The following LRRTM4 variants were observed in gnomAD, a reference collection of about 807,000 sequenced individuals.
LRRTM4 encodes the protein leucine rich repeat transmembrane neuronal 4.
In LRRTM4, 25 loss-of-function variants were observed where a neutral mutation model predicts 47.6. That is an observed-to-expected ratio of 0.53 (90% CI 0.38 to 0.73). LRRTM4 has a LOEUF of 0.73. Ranked by LOEUF, LRRTM4 falls within the 30% of genes least tolerant of loss-of-function variation. The pLI, the probability that LRRTM4 is intolerant of heterozygous loss-of-function variation, is 0.00. For synonymous variants in LRRTM4, 311 were observed against 269.5 expected, an observed-to-expected ratio of 1.15 and a Z score of -1.51; for missense variants, 638 against 713.4, an observed-to-expected ratio of 0.89 and a Z score of 1.20.
chr2:77,071,127 A>T (rs1182824925), intron 3 of LRRTM4, among the ~76,000 whole-genome samples: 1 of 152,122 alleles, frequency 6.6e-6, no homozygotes, highest in Non-Finnish European at 1.5e-5. Context: ...TTCACAGAAA[A>T]CTTTGAAATA....
Position 76,977,216 on chromosome 2 carries a change from C to CT in LRRTM4, c.1552-228301dup, listed in dbSNP as rs370541848. ...AATCTTAATGACATCAGCAACCATCCTTTTTTACAAGACACCTGGATATTA... is the reference window on the plus strand; with the variant it reads ...AATCTTAATGACATCAGCAACCATCCTTTTTTTACAAGACACCTGGATATTA... On this transcript the variant is annotated intron_variant, in intron 3 of 3. Coordinates refer to ENST00000409884, the MANE Select transcript of LRRTM4 (RefSeq NM_001134745.3). 3.8e-3 allele frequency among the ~76,000 whole-genome samples: 574 copies of CT among 151,522 alleles called. 1 individual carries two copies. Among genetic ancestry groups the CT allele is most frequent in the Non-Finnish European group, 6.0e-3 (409 of 67,804 alleles).
chr2:77,064,825 T>C (rs1298736857), intron 3 of LRRTM4, among the ~76,000 whole-genome samples: 1 of 152,148 alleles, frequency 6.6e-6, no homozygotes, highest in Non-Finnish European at 1.5e-5. Context: ...CCGTGCTTTT[T>C]TCGTACCCTG....
At chr2:77,409,377 C>A (rs1323454575) in intron 3 of LRRTM4, among the ~76,000 whole-genome samples, 3 of 152,098 alleles carry the variant, frequency 2.0e-5, no homozygotes, top group African/African-American at 7.2e-5. Context: ...TTTATGTGTC[C>A]TCACATGGCA....
intron 3 of LRRTM4, among the ~76,000 whole-genome samples, chr2:77,041,011 A>G (rs1167601266): frequency 6.6e-6 from 1 of 151,326 alleles, no homozygotes; most frequent in African/African-American, 2.4e-5. Flanking sequence ...TGCACAGAAC[A>G]ACAGAACTTC....
chr2:77,288,385 A>G (rs1676722084), intron 3 of LRRTM4, among the ~76,000 whole-genome samples: 1 of 151,934 alleles, frequency 6.6e-6, no homozygotes, highest in Non-Finnish European at 1.5e-5. Flanking sequence ...TAGATTAATG[A>G]AATGGAGTGT....
At chr2:77,410,332 T>C (rs1306645669) in intron 3 of LRRTM4, among the ~76,000 whole-genome samples, 1 of 152,154 alleles carries the variant, frequency 6.6e-6, no homozygotes, top group Non-Finnish European at 1.5e-5. Flanking sequence ...TTGTGATTTT[T>C]AAGGTCTATT....
rs1344424063 is a variant in LRRTM4 at position 77,171,933 on chromosome 2, G to A, written c.1551+346385C>T. On this transcript the variant is annotated intron_variant, in intron 3 of 3. Coordinates refer to ENST00000409884, the MANE Select transcript of LRRTM4 (RefSeq NM_001134745.3). ...AACTTTGTAAGGGTTGTACAATTCA[G>A]AGGAGTCACAGTTATACATGAATGA... 2.0e-5 allele frequency among the ~76,000 whole-genome samples: 3 copies of A among 152,104 alleles called. No homozygotes were observed. In the East Asian group the frequency reaches 5.8e-4, roughly 29 times the overall value.
chr2:76,908,619 T>C lies in LRRTM4; in HGVS notation c.1552-159703A>G, dbSNP rs547403594. Among the ~76,000 whole-genome samples the C allele has an allele frequency of 2.0e-5, 3 of 152,304 alleles. No individual in the cohort carries two copies. The South Asian group carries it at 6.2e-4, about 32-fold the overall frequency. On this transcript the variant is annotated intron_variant, in intron 3 of 3. Transcript: ENST00000409884. The stretch of plus-strand genomic sequence containing the variant: ...CCATTGTCTCAGCCCAAAATCTCCT[T>C]AAGCTGATAAGCAACTTCAGCAAAG...
rs578087724 is a variant in LRRTM4, at chr2:77,063,253, C to T, written c.1552-314337G>A. ...GATTATAGGCGTGAGCCACTGCGCC[C>T]GGCCTCCCCTTGTTCTTTTTATGGT... On this transcript the variant is annotated intron_variant, in intron 3 of 3. Transcript: ENST00000409884. Among the ~76,000 whole-genome samples, 99 of 152,274 alleles carry T rather than the reference C, an allele frequency of 6.5e-4. 1 individual carries two copies. The highest frequency in any genetic ancestry group is 2.3e-3 in the African/African-American group (94 of 41,562).
chr2:77,467,874 T>A (rs868547934), intron 3 of LRRTM4, among the ~76,000 whole-genome samples: 1 of 150,176 alleles, frequency 6.7e-6, no homozygotes, highest in Non-Finnish European at 1.5e-5. Flanking sequence ...CTGAAAAAAA[T>A]ATTTTTTAAA....
intron 3 of LRRTM4, among the ~76,000 whole-genome samples, chr2:77,117,947 T>C (rs1295451978): frequency 6.6e-6 from 1 of 151,930 alleles, no homozygotes; most frequent in African/African-American, 2.4e-5. Context: ...ATCTGCAAAA[T>C]TCAAGCATCA....
At chr2:76,989,944 A>C (rs973823351) in intron 3 of LRRTM4, 2 of 151,770 alleles carry the variant, frequency 1.3e-5, no homozygotes, top group African/African-American at 4.8e-5. Flanking sequence ...ACTGCTGGCT[A>C]TTTACTTATA....
intron 3 of LRRTM4, among the ~76,000 whole-genome samples, chr2:77,023,990 C>T (rs996701088): frequency 1.3e-5 from 2 of 152,170 alleles, no homozygotes; most frequent in Non-Finnish European, 2.9e-5. Flanking sequence ...TACAGTTCCA[C>T]ATGGCTGGGG....
At position 77,422,182 on chromosome 2, in the gene LRRTM4, G is replaced by A. The variant is rs146442140; in HGVS notation, c.1551+96136C>T. On this transcript the variant is annotated intron_variant, in intron 3 of 3. Coordinates refer to ENST00000409884, the MANE Select transcript of LRRTM4 (RefSeq NM_001134745.3). ...GAATGGATCCTCATTGTTACGCAAT[G>A]CGTGACTGTAGTTGAAGAGATAAAG... is the stretch of plus-strand genomic sequence containing the variant. Among the ~76,000 whole-genome samples, 60 of 152,314 alleles carry A rather than the reference G, an allele frequency of 3.9e-4. 1 individual carries two copies. In the East Asian group the frequency reaches 7.7e-3, roughly 20 times the overall value.
chr2:77,342,338 A>T (rs1195842021), intron 3 of LRRTM4, among the ~76,000 whole-genome samples: 2 of 151,890 alleles, frequency 1.3e-5, no homozygotes, highest in Non-Finnish European at 2.9e-5. Context: ...AGGAATTTTT[A>T]TTCATTACTA....
intron 3 of LRRTM4, among the ~76,000 whole-genome samples, chr2:77,189,135 A>C (rs1044251670): frequency 6.6e-6 from 1 of 152,206 alleles, no homozygotes; most frequent in African/African-American, 2.4e-5. Context: ...TGATCAAATG[A>C]AATAAAGTGC....
chr2:76,835,705 G>T (rs1360341875), intron 3 of LRRTM4, among the ~76,000 whole-genome samples: 2 of 151,954 alleles, frequency 1.3e-5, no homozygotes, highest in Non-Finnish European at 2.9e-5. Flanking sequence ...ATTTATTTAG[G>T]TATATATTTC....
chr2:77,354,779 C>A (rs1268861413), intron 3 of LRRTM4, among the ~76,000 whole-genome samples: 2 of 152,102 alleles, frequency 1.3e-5, no homozygotes, highest in Non-Finnish European at 2.9e-5. Flanking sequence ...AAGGGCAGGG[C>A]AGAATATGTA....
At chr2:76,888,419 T>C (rs1345047452) in intron 3 of LRRTM4, among the ~76,000 whole-genome samples, 1 of 151,548 alleles carries the variant, frequency 6.6e-6, no homozygotes, top group Non-Finnish European at 1.5e-5. Context: ...TGAAAAGTCA[T>C]ATTCAAAAGT....
Sources: allele counts gnomAD v4.1 joint callset (sites outside exome capture counted in the v4.1 genomes callset), GRCh38; gene constraint gnomAD v4.1.1; transcripts MANE v1.5; gene names NCBI Gene and HGNC (gene_info 2026-07-23, HGNC 2026-07-21).